POLR2F: variants seen among roughly 807,000 people sequenced by gnomAD.
POLR2F encodes DNA-directed RNA polymerases I, II, and III subunit RPABC2.
In POLR2F, 12 loss-of-function variants were observed where a neutral mutation model predicts 22.7. That is an observed-to-expected ratio of 0.53 (90% CI 0.34 to 0.86). The LOEUF (loss-of-function observed/expected upper bound fraction) is 0.86, where lower values mean the gene tolerates loss of function less well. POLR2F is among the 40% of genes least tolerant of loss of function. The pLI is 0.02. For missense variants in POLR2F, 126 were observed against 171.5 expected, an observed-to-expected ratio of 0.73 and a Z score of 1.48; for synonymous variants, 57 against 66.0, an observed-to-expected ratio of 0.86 and a Z score of 0.66.
In POLR2F at chr22:37,986,884, G is replaced by T. The variant is rs1436480312; in HGVS notation, c.120+572G>T. The T allele has an allele frequency of 4.4e-6, 2 of 451,388 alleles. No individual in the cohort carries two copies. Among genetic ancestry groups the T allele is most frequent in the East Asian group, 7.0e-5 (1 of 14,240 alleles). 28.0% of individuals were successfully genotyped at this position (451,388 alleles called of 1,614,324 possible). A position where few individuals can be genotyped will look rare whatever the true frequency, so the allele number is the denominator to read the frequency against. ...AAGGACCCATAGTCATTCCTGAAGA[G>T]CAGGGAGCTTGGAGAGGGGAGGGAT... On this transcript the variant is annotated intron_variant, in intron 1 of 2. Transcript: ENST00000333418. The surrounding 1 kb of genome is among the most constrained non-coding windows in gnomAD (Gnocchi z 4.7).
intron 1 of POLR2F, among the ~76,000 whole-genome samples, chr22:38,015,038 C>T (rs1274990645): frequency 1.3e-5 from 2 of 151,862 alleles, no homozygotes; most frequent in Non-Finnish European, 2.9e-5. Context: ...AAACTCCTGA[C>T]CTTGAGATCC....
intron 5 of POLR2F, among the ~76,000 whole-genome samples, chr22:38,038,849 C>T (rs891091822): frequency 4.0e-5 from 6 of 151,818 alleles, no homozygotes; most frequent in Non-Finnish European, 7.4e-5. Flanking sequence ...GGCGCCCTCC[C>T]TCTCCCAGCG....
chr22:37,976,040 C>T (rs937960605), intron 4 of POLR2F, among the ~76,000 whole-genome samples: 3 of 151,910 alleles, frequency 2.0e-5, no homozygotes, highest in African/African-American at 4.8e-5. Context: ...CTGGCCAACA[C>T]GGTGAAAAAC....
chr22:37,956,136 C>T lies in POLR2F; in HGVS notation c.21-637C>T, dbSNP rs536659934. On this transcript the variant is annotated intron_variant, in intron 1 of 4. Coordinates refer to ENST00000442738, the MANE Select transcript of POLR2F (RefSeq NM_021974.5). The stretch of plus-strand genomic sequence containing the variant: ...CGGAGTTTCACTCTTGTTGCCCAGG[C>T]TGGAGTGCAATGGCGTGATCTCAGC... 3.5e-4 allele frequency among the ~76,000 whole-genome samples: 53 copies of T among 151,612 alleles called. No homozygotes were observed. In the South Asian group the frequency reaches 0.011, roughly 31 times the overall value.
At chr22:38,009,564 G>A (rs572183201) in intron 1 of POLR2F, among the ~76,000 whole-genome samples, 1 of 152,250 alleles carries the variant, frequency 6.6e-6, no homozygotes, top group South Asian at 2.1e-4. Flanking sequence ...GGTGCACTTG[G>A]ATGAGTTTTG....
upstream of POLR2F, among the ~76,000 whole-genome samples, chr22:37,985,428 TCTCC>T (rs1362239795): frequency 6.6e-6 from 1 of 151,850 alleles, no homozygotes; most frequent in Non-Finnish European, 1.5e-5. Flanking sequence ...TCTGCCCACC[TCTCC>T]CTCCCTCCCC....
At chr22:38,041,326 C>T (rs931659825), downstream of POLR2F, 16 of 605,910 alleles carry the variant, frequency 2.6e-5, no homozygotes, top group Admixed American at 2.3e-4. Flanking sequence ...GTCATTCCAT[C>T]TCCTGAGTGA....
upstream of POLR2F, chr22:37,985,358 C>G (rs532524061): frequency 2.0e-5 from 3 of 152,220 alleles, no homozygotes; most frequent in East Asian, 5.8e-4. Context: ...CTGATTGTCA[C>G]GAAGTCCTCT....
At chr22:38,001,915 C>A (rs2084774039) in intron 1 of POLR2F, among the ~76,000 whole-genome samples, 1 of 152,046 alleles carries the variant, frequency 6.6e-6, no homozygotes, top group African/African-American at 2.4e-5. Flanking sequence ...GCAACCTCTG[C>A]CTCCTGGGCT....
At chr22:38,033,967 GT>G (rs1215256832) in intron 5 of POLR2F, among the ~76,000 whole-genome samples, 1 of 152,132 alleles carries the variant, frequency 6.6e-6, no homozygotes, top group Non-Finnish European at 1.5e-5. Context: ...GTCAAGAGAG[GT>G]TGTGACCGCC....
chr22:38,005,989 G>A (rs546479177), intron 1 of POLR2F, among the ~76,000 whole-genome samples: 11 of 152,300 alleles, frequency 7.2e-5, no homozygotes, highest in East Asian at 5.8e-4. Context: ...TTGGGAGGCC[G>A]AGGCAGGAGG....
In POLR2F at chr22:37,956,769, A is replaced by G. The variant is rs1601862597; in HGVS notation, c.21-4A>G. The G allele has an allele frequency of 5.0e-6, 8 of 1,612,080 alleles. No individual in the cohort carries two copies. Among genetic ancestry groups the G allele is most frequent in the Admixed American group, 3.3e-5 (2 of 59,978 alleles). On this transcript the variant is annotated splice_region_variant and splice_polypyrimidine_tract_variant and intron_variant, in intron 1 of 4. Coordinates refer to ENST00000442738, the MANE Select transcript of POLR2F (RefSeq NM_021974.5). ...TAAGTAACTGATCTCTTCTTCCTGT[A>G]CAGTTTTGATGGCGACGACTTTGAT...
downstream of POLR2F, among the ~76,000 whole-genome samples, chr22:38,029,422 C>T (rs2085045332): frequency 6.6e-6 from 1 of 152,154 alleles, no homozygotes; most frequent in Non-Finnish European, 1.5e-5. Context: ...TCTCCTCTGG[C>T]TATGGTCTAG....
chr22:38,018,847 G>A (rs557490356), intron 1 of POLR2F, among the ~76,000 whole-genome samples: 1 of 152,214 alleles, frequency 6.6e-6, no homozygotes, highest in Non-Finnish European at 1.5e-5. Flanking sequence ...CCAGTGTGTG[G>A]TGCGGGAGAG....
downstream of POLR2F, chr22:37,973,308 G>C (rs1327266381): frequency 5.3e-6 from 3 of 570,358 alleles, no homozygotes; most frequent in Non-Finnish European, 3.1e-6. Flanking sequence ...GGGCTTTGCT[G>C]CTGGAGCCTG....
intron 1 of POLR2F, among the ~76,000 whole-genome samples, chr22:37,996,230 G>A (rs2084712351): frequency 6.6e-6 from 1 of 152,210 alleles, no homozygotes; most frequent in Admixed American, 6.5e-5. Flanking sequence ...CAGCAGGCAG[G>A]AAGGACAGGG....
downstream of POLR2F, among the ~76,000 whole-genome samples, chr22:37,970,129 T>C (rs922185503): frequency 1.3e-5 from 2 of 151,502 alleles, no homozygotes; most frequent in African/African-American, 2.4e-5. Flanking sequence ...CCGTCTGTAC[T>C]AAAAAATACA....
Position 37,967,820 on chromosome 22 carries a change from A to C in POLR2F, c.*105A>C. ...TTTCCAACCCCCTTCCCCTCTGCTTATCTGCAATGTCACCACCTGTTGCTT... is the reference window on the plus strand; with the variant it reads ...TTTCCAACCCCCTTCCCCTCTGCTTCTCTGCAATGTCACCACCTGTTGCTT... On this transcript the variant is annotated 3_prime_UTR_variant, in exon 5 of 5. Coordinates refer to ENST00000442738, the MANE Select transcript of POLR2F (RefSeq NM_021974.5). 2 of 1,474,068 alleles carry C rather than the reference A, an allele frequency of 1.4e-6. No homozygotes were observed. Among genetic ancestry groups the C allele is most frequent in the Non-Finnish European group, 1.8e-6 (2 of 1,115,550 alleles). 91.3% of individuals were successfully genotyped at this position (1,474,068 alleles called of 1,614,324 possible).
rs929773451 is a variant in POLR2F, at chr22:37,974,720, A to G, written c.293+7550A>G. On this transcript the variant is annotated intron_variant, in intron 4 of 4. Coordinates refer to the POLR2F transcript ENST00000405557. This position sits in a 1 kb window ranked among gnomAD's most constrained non-coding sequence, Gnocchi z 5.4. ...TTTATGAAATTCTCAAATCTTAGGG[A>G]TGGGTCCTGGGGAGGCCTGCCTCAT... Among the ~76,000 whole-genome samples the G allele has an allele frequency of 2.0e-5, 3 of 152,092 alleles. No individual in the cohort carries two copies. Among genetic ancestry groups the G allele is most frequent in the African/African-American group, 7.2e-5 (3 of 41,406 alleles).
Sources: allele counts gnomAD v4.1 joint callset (sites outside exome capture counted in the v4.1 genomes callset), GRCh38; gene constraint gnomAD v4.1.1; non-coding constraint Gnocchi (gnomAD v3.1); transcripts MANE v1.5; gene names NCBI Gene and HGNC (gene_info 2026-07-23, HGNC 2026-07-21).